The following THRB variants were observed in gnomAD, a reference collection of about 807,000 sequenced individuals.
THRB encodes the protein thyroid hormone receptor beta.
In THRB, 12 loss-of-function variants were observed where a neutral mutation model predicts 47.8. That is an observed-to-expected ratio of 0.25 (90% CI 0.16 to 0.41). The LOEUF (loss-of-function observed/expected upper bound fraction) is 0.41. Among genes scored for constraint, THRB ranks in the 10% least tolerant of loss-of-function variants. The probability of loss-of-function intolerance (pLI) is 1.00; values close to 1 mark genes in which losing one functional copy is unlikely to be tolerated. For synonymous variants in THRB, 218 were observed against 212.2 expected, an observed-to-expected ratio of 1.03 and a Z score of -0.24; for missense variants, 348 against 589.2, an observed-to-expected ratio of 0.59 and a Z score of 4.24.
At chr3:24,354,627 T>G (rs1165375607) in intron 1 of THRB, among the ~76,000 whole-genome samples, 2 of 152,082 alleles carry the variant, frequency 1.3e-5, no homozygotes, top group Non-Finnish European at 2.9e-5. Flanking sequence ...GAGAAGGAAA[T>G]CCGAATGGAA....
chr3:24,199,380 C>T (rs2044337334), intron 4 of THRB, among the ~76,000 whole-genome samples: 2 of 152,204 alleles, frequency 1.3e-5, no homozygotes, highest in Admixed American at 6.5e-5. Context: ...TTACTGAGCA[C>T]CTGCCTATTA....
rs187695436 is a variant in THRB, at chr3:24,279,760, C to T, written c.-43+17466G>A. On this transcript the variant is annotated intron_variant, in intron 3 of 10. Transcript: ENST00000646209. ...AACTCTGTATTTCATCCTCACATTGCCTTGTAAGACAGTAATTATAACACT... is the reference window on the plus strand; with the variant it reads ...AACTCTGTATTTCATCCTCACATTGTCTTGTAAGACAGTAATTATAACACT... 8.5e-5 allele frequency among the ~76,000 whole-genome samples: 13 copies of T among 152,178 alleles called. No individual in the cohort carries two copies. In the East Asian group the frequency reaches 2.5e-3, roughly 29 times the overall value.
intron 1 of THRB, among the ~76,000 whole-genome samples, chr3:24,372,368 A>G (rs2064983895): frequency 6.6e-6 from 1 of 152,108 alleles, no homozygotes; most frequent in East Asian, 1.9e-4. Flanking sequence ...TGTTCTTTAT[A>G]TGCCATGAAA....
rs1281877558 is a variant in THRB at position 24,180,221 on chromosome 3, A to T, written c.283+9853T>A. 2.6e-5 allele frequency among the ~76,000 whole-genome samples: 4 copies of T among 152,336 alleles called. No homozygotes were observed. The East Asian group carries it at 7.7e-4, about 29-fold the overall frequency. On this transcript the variant is annotated intron_variant, in intron 5 of 10. Coordinates refer to ENST00000646209, the MANE Select transcript of THRB (RefSeq NM_001354712.2). The stretch of plus-strand genomic sequence containing the variant: ...AGAGCTGAATACATATCTTTTCATT[A>T]GTCCTGAGGCTTAACTAAAATAGTA...
chr3:24,135,983 C>T (rs2034621835), intron 8 of THRB, among the ~76,000 whole-genome samples: 1 of 151,602 alleles, frequency 6.6e-6, no homozygotes, highest in South Asian at 2.1e-4. Context: ...TCAATGAATA[C>T]TGATAGAGCT....
At chr3:24,375,307 T>A (rs1337228774) in intron 1 of THRB, among the ~76,000 whole-genome samples, 1 of 147,472 alleles carries the variant, frequency 6.8e-6, no homozygotes, top group Non-Finnish European at 1.5e-5. Flanking sequence ...AAATATAATA[T>A]TAATATATTA....
intron 1 of THRB, among the ~76,000 whole-genome samples, chr3:24,462,405 T>G (rs1220660370): frequency 1.3e-5 from 2 of 152,246 alleles, no homozygotes; most frequent in African/African-American, 4.8e-5. Context: ...GATGAGTTTT[T>G]AAGAAAATTC....
At chr3:24,194,850 CA>C (rs1409371248) in intron 4 of THRB, among the ~76,000 whole-genome samples, 1 of 152,128 alleles carries the variant, frequency 6.6e-6, no homozygotes, top group Non-Finnish European at 1.5e-5. Context: ...AGAGCTAAAG[CA>C]AAGGAAATAG....
chr3:24,128,262 T>C (rs1416879080), intron 9 of THRB, among the ~76,000 whole-genome samples: 1 of 152,174 alleles, frequency 6.6e-6, no homozygotes, highest in Non-Finnish European at 1.5e-5. Flanking sequence ...GCTAGAGGGT[T>C]GTTGGCAGAG....
chr3:24,292,507 C>T (rs2056029525), intron 3 of THRB, among the ~76,000 whole-genome samples: 2 of 152,208 alleles, frequency 1.3e-5, no homozygotes, highest in East Asian at 1.9e-4. Flanking sequence ...TGTGCTGGTG[C>T]CGTCCTCTAA....
chr3:24,163,671 T>TA (rs1459219263), intron 5 of THRB, among the ~76,000 whole-genome samples: 1 of 152,190 alleles, frequency 6.6e-6, no homozygotes, highest in African/African-American at 2.4e-5. Flanking sequence ...TTAGGGGACT[T>TA]ACCCTGTGTA....
intron 5 of THRB, among the ~76,000 whole-genome samples, chr3:24,171,718 G>C (rs1324017740): frequency 1.3e-5 from 2 of 152,024 alleles, no homozygotes; most frequent in Non-Finnish European, 2.9e-5. Context: ...TTAGGCCTGG[G>C]GATTGACTGT....
intron 1 of THRB, among the ~76,000 whole-genome samples, chr3:24,462,304 T>G (rs2073778664): frequency 6.6e-6 from 1 of 152,256 alleles, no homozygotes; most frequent in South Asian, 2.1e-4. Context: ...CAGATATTAT[T>G]CCTTAGAATT....
At position 24,269,440 on chromosome 3, in the gene THRB, C is replaced by CATAT. The variant is rs1559784335; in HGVS notation, c.-43+27785_-43+27786insATAT. 2.2e-3 allele frequency among the ~76,000 whole-genome samples: 295 copies of CATAT among 135,802 alleles called. 5 individuals are homozygous for CATAT. The highest frequency in any genetic ancestry group is 0.011 in the Admixed American group (145 of 13,642). The allele number at this position is 135,802 out of a possible 152,430, so 89.1% of individuals were successfully genotyped here. ...ACACACACACACACACACACACACA[C>CATAT]ACTTAAGTTATCTTCGCTGTGTTGT... On this transcript the variant is annotated intron_variant, in intron 3 of 10. Coordinates refer to ENST00000646209, the MANE Select transcript of THRB (RefSeq NM_001354712.2).
intron 1 of THRB, among the ~76,000 whole-genome samples, chr3:24,381,781 G>A (rs1669536538): frequency 6.6e-6 from 1 of 151,764 alleles, no homozygotes; most frequent in Admixed American, 6.6e-5. Flanking sequence ...GAAAAGTCCT[G>A]GTGCTACCCA....
intron 3 of THRB, among the ~76,000 whole-genome samples, chr3:24,294,773 T>G (rs1419142633): frequency 6.6e-6 from 1 of 152,192 alleles, no homozygotes; most frequent in African/African-American, 2.4e-5. Context: ...GGAACTCCAT[T>G]AAGTCATTTT....
intron 4 of THRB, among the ~76,000 whole-genome samples, chr3:24,221,265 T>C (rs761820864): frequency 2.6e-5 from 4 of 152,046 alleles, no homozygotes; most frequent in East Asian, 1.9e-4. Flanking sequence ...GTTGGGAAAA[T>C]TGTTTTCTTT....
chr3:24,430,379 T>C (rs2070254204), intron 1 of THRB, among the ~76,000 whole-genome samples: 1 of 152,116 alleles, frequency 6.6e-6, no homozygotes. Context: ...GGGGAACTCA[T>C]AGACTGCTCA....
At chr3:24,159,706 C>T (rs1164750926) in intron 5 of THRB, among the ~76,000 whole-genome samples, 5 of 150,568 alleles carry the variant, frequency 3.3e-5, no homozygotes, top group Non-Finnish European at 7.4e-5. Flanking sequence ...AGTCTGGAGA[C>T]ATTTTTGGTT....
Sources: allele counts gnomAD v4.1 joint callset (sites outside exome capture counted in the v4.1 genomes callset), GRCh38; gene constraint gnomAD v4.1.1; transcripts MANE v1.5; gene names NCBI Gene and HGNC (gene_info 2026-07-23, HGNC 2026-07-21).